The following MYO1D variants were observed in gnomAD, a reference collection of about 807,000 sequenced individuals.
MYO1D encodes the protein myosin ID.
Under a neutral mutation model 122.0 loss-of-function variants are expected in MYO1D, and 83 were observed. The ratio of observed to expected loss-of-function variants is 0.68; its 90% CI spans 0.57 to 0.82. The LOEUF (loss-of-function observed/expected upper bound fraction) is 0.82. Among genes scored for constraint, MYO1D ranks in the 40% least tolerant of loss-of-function variants. The pLI, the probability that MYO1D is intolerant of heterozygous loss-of-function variation, is 0.00. For missense variants in MYO1D, 1,157 were observed against 1,269.5 expected (o/e 0.91, Z 1.35); for synonymous variants, 464 against 446.9 (o/e 1.04, Z -0.48).
At chr17:32,720,517 C>A (rs1035862494) in intron 15 of MYO1D, among the ~76,000 whole-genome samples, 2 of 152,106 alleles carry the variant, frequency 1.3e-5, no homozygotes, top group African/African-American at 4.8e-5. Flanking sequence ...GTCCTCCATG[C>A]TTAACTCCTT....
chr17:32,630,762 A>G (rs1225423939), intron 20 of MYO1D, among the ~76,000 whole-genome samples: 1 of 152,044 alleles, frequency 6.6e-6, no homozygotes, highest in African/African-American at 2.4e-5. Context: ...TTTAGTAAAG[A>G]TGGGGTTTCA....
chr17:32,611,371 T>C (rs2087699630), intron 20 of MYO1D, among the ~76,000 whole-genome samples: 1 of 152,182 alleles, frequency 6.6e-6, no homozygotes, highest in African/African-American at 2.4e-5. Context: ...AACATCCCAG[T>C]CTTTAGACAG....
At chr17:32,785,400 T>C (rs1050481257) in intron 1 of MYO1D, among the ~76,000 whole-genome samples, 2 of 152,230 alleles carry the variant, frequency 1.3e-5, no homozygotes, top group African/African-American at 4.8e-5. Flanking sequence ...AACGTACACT[T>C]TCTGAATAGG....
At chr17:32,564,414 G>A (rs1444479927) in intron 21 of MYO1D, among the ~76,000 whole-genome samples, 2 of 152,116 alleles carry the variant, frequency 1.3e-5, no homozygotes, top group Admixed American at 6.6e-5. Context: ...TTTCTAAGCC[G>A]ACACCCTCTA....
chr17:32,787,503 C>T (rs182549101), intron 1 of MYO1D, among the ~76,000 whole-genome samples: 211 of 152,074 alleles, frequency 1.4e-3, no homozygotes, highest in Admixed American at 2.7e-3. Context: ...ACTGCAACCT[C>T]CACCTCCTGG....
intron 21 of MYO1D, among the ~76,000 whole-genome samples, chr17:32,536,522 C>T (rs8076685): frequency 0.021 from 3,155 of 152,188 alleles, 117 homozygotes; most frequent in African/African-American, 0.07. Context: ...GATATTAAAA[C>T]GAATCATAAA....
At chr17:32,524,727 TG>T (rs1357438228) in intron 21 of MYO1D, among the ~76,000 whole-genome samples, 1 of 152,134 alleles carries the variant, frequency 6.6e-6, no homozygotes, top group Non-Finnish European at 1.5e-5. Context: ...CATGCCTGGC[TG>T]ATTTTTGTAT....
At chr17:32,774,580 C>T (rs149350575) in intron 4 of MYO1D, among the ~76,000 whole-genome samples, 125 of 152,290 alleles carry the variant, frequency 8.2e-4, no homozygotes, top group African/African-American at 2.7e-3. Flanking sequence ...TCCATAGAGA[C>T]CTCTGCCTTA....
chr17:32,501,645 C>T (rs940598307), intron 21 of MYO1D, among the ~76,000 whole-genome samples: 6 of 152,296 alleles, frequency 3.9e-5, no homozygotes, highest in South Asian at 4.1e-4. Flanking sequence ...GACGGGAAGG[C>T]GGAGAAGAAT....
chr17:32,600,671 G>A (rs981730759), intron 21 of MYO1D, among the ~76,000 whole-genome samples: 4 of 151,994 alleles, frequency 2.6e-5, no homozygotes, highest in Admixed American at 2.0e-4. Flanking sequence ...ATTTAAGAGA[G>A]TTTAGGGCCT....
chr17:32,561,524 C>T (rs1473816878), intron 21 of MYO1D, among the ~76,000 whole-genome samples: 3 of 151,558 alleles, frequency 2.0e-5, no homozygotes, highest in Non-Finnish European at 4.4e-5. Flanking sequence ...CTCGTCTCTA[C>T]TAAAAATACA....
At chr17:32,690,334 C>T (rs568062254) in intron 16 of MYO1D, among the ~76,000 whole-genome samples, 1 of 152,016 alleles carries the variant, frequency 6.6e-6, no homozygotes, top group African/African-American at 2.4e-5. Context: ...CGCCACCACA[C>T]CAGCTAATTT....
At chr17:32,566,844 T>TTTTTTTTTTTTTTTTG (rs1555626483) in intron 21 of MYO1D, among the ~76,000 whole-genome samples, 3 of 147,028 alleles carry the variant, frequency 2.0e-5, no homozygotes, top group Admixed American at 6.9e-5. Flanking sequence ...AGCTTCTTTT[T>TTTTTTTTTTTTTTTTG]AACCAAATCA....
intron 1 of MYO1D, among the ~76,000 whole-genome samples, chr17:32,783,277 A>G (rs540434141): frequency 4.6e-5 from 7 of 152,302 alleles, no homozygotes; most frequent in East Asian, 1.9e-4. Context: ...TGTTGGTCCA[A>G]TGATGTACCT....
intron 19 of MYO1D, among the ~76,000 whole-genome samples, chr17:32,642,217 G>A (rs1456418806): frequency 7.9e-3 from 1,008 of 128,084 alleles, no homozygotes; most frequent in South Asian, 0.019. Context: ...TTTTTGTCAG[G>A]TTTGTCAAAG....
rs766644275 is a variant in MYO1D at position 32,712,232 on chromosome 17, C to A, written c.1914-37G>T. ...AAAGAAACAGGGTTAAGGGAGAAAA[C>A]CATATGGTCATCTCAATAGAAAACT... On this transcript the variant is annotated intron_variant, in intron 15 of 21. Transcript: ENST00000318217. 3 of 1,561,816 alleles carry A rather than the reference C, an allele frequency of 1.9e-6. No individual in the cohort carries two copies. In the South Asian group the frequency reaches 3.4e-5, roughly 17 times the overall value.
intron 14 of MYO1D, among the ~76,000 whole-genome samples, chr17:32,735,161 T>C (rs10401016): frequency 0.038 from 5,789 of 151,438 alleles, 364 homozygotes; most frequent in African/African-American, 0.13. Flanking sequence ...TATTATGTGG[T>C]CAATTCTTGT....
At chr17:32,706,953 C>G (rs2089316997) in intron 16 of MYO1D, among the ~76,000 whole-genome samples, 1 of 152,098 alleles carries the variant, frequency 6.6e-6, no homozygotes, top group Non-Finnish European at 1.5e-5. Context: ...GCCTCGGCCC[C>G]CCAAAGTGCT....
At chr17:32,661,978 C>T (rs2088572245) in intron 16 of MYO1D, among the ~76,000 whole-genome samples, 1 of 152,166 alleles carries the variant, frequency 6.6e-6, no homozygotes, top group African/African-American at 2.4e-5. Flanking sequence ...TCATTAGTAA[C>T]TGCCTTGTTT....
Sources: allele counts gnomAD v4.1 joint callset (sites outside exome capture counted in the v4.1 genomes callset), GRCh38; gene constraint gnomAD v4.1.1; transcripts MANE v1.5; gene names NCBI Gene and HGNC (gene_info 2026-07-23, HGNC 2026-07-21).